Variants in MCF2L2 observed in about 807,000 individuals in gnomAD.
The protein encoded by MCF2L2 is MCF.2 cell line derived transforming sequence-like 2.
In MCF2L2, 102 loss-of-function variants were observed where a neutral mutation model predicts 150.2. That is an observed-to-expected ratio of 0.68 (90% CI 0.58 to 0.80). The LOEUF is 0.80. MCF2L2 is among the 30% of genes least tolerant of loss of function. MCF2L2 has a pLI of 0.00. For missense variants in MCF2L2, 1,256 were observed against 1,372.8 expected, an observed-to-expected ratio of 0.91 and a Z score of 1.34; for synonymous variants, 465 against 491.3, an observed-to-expected ratio of 0.95 and a Z score of 0.71.
At chr3:183,398,630 T>C (rs1416546964) in intron 1 of MCF2L2, among the ~76,000 whole-genome samples, 1 of 152,174 alleles carries the variant, frequency 6.6e-6, no homozygotes. Flanking sequence ...CTAACTCTCC[T>C]GACTCCCCAA....
intron 13 of MCF2L2, among the ~76,000 whole-genome samples, chr3:183,292,931 G>A (rs1182248319): frequency 1.3e-5 from 2 of 152,054 alleles, no homozygotes; most frequent in Non-Finnish European, 2.9e-5. Flanking sequence ...CCCAAAGGAA[G>A]GCAGGAAAGG....
At chr3:183,250,144 T>C (rs958481496) in intron 15 of MCF2L2, among the ~76,000 whole-genome samples, 1 of 152,136 alleles carries the variant, frequency 6.6e-6, no homozygotes, top group Non-Finnish European at 1.5e-5. Flanking sequence ...AAAAGGAGGA[T>C]TCTTGCTTTT....
intron 10 of MCF2L2, 120 bp downstream of exon 10, chr3:183,309,596 A>C (rs1230445448): frequency 1.6e-6 from 2 of 1,282,530 alleles, no homozygotes; most frequent in African/African-American, 2.9e-5. Flanking sequence ...GGGGTGACTG[A>C]AGGGCAGGAC....
intron 5 of MCF2L2, among the ~76,000 whole-genome samples, chr3:183,326,506 A>AC (rs1730039923): frequency 6.7e-6 from 1 of 149,152 alleles, no homozygotes; most frequent in South Asian, 2.1e-4. Context: ...AAAAAAAAAA[A>AC]AAAAAAAAAA....
rs771101780 is a variant in MCF2L2 at position 183,300,196 on chromosome 3, C to T, written c.1114G>A (p.Glu372Lys). 2 of 1,599,886 alleles carry T rather than the reference C, an allele frequency of 1.3e-6. No homozygotes were observed. The highest frequency in any genetic ancestry group is 3.6e-5 in the Admixed American group (2 of 55,726). ...EHKKLEEKSQ[E>K]PLEKAQLLAL... ...AGCAGCTGGGCCTTTTCCAGGGGCT[C>T]CTGCAAAGTGAACACCCACAGCCAG... Residue 372 changes from glutamate to lysine, a missense_variant and splice_region_variant, in exon 11 of 30, where the codon GAG (glutamate) becomes AAG (lysine). By Grantham distance (56) the Glu-to-Lys change is moderately conservative. Transcript: ENST00000328913.
chr3:183,414,413 A>G (rs1715479590), intron 1 of MCF2L2, among the ~76,000 whole-genome samples: 1 of 152,134 alleles, frequency 6.6e-6, no homozygotes, highest in Non-Finnish European at 1.5e-5. Flanking sequence ...TTATGTAAGG[A>G]TGGTAGAAAT....
At chr3:183,296,565 T>A (rs537505440) in intron 12 of MCF2L2, 1 of 161,558 alleles carries the variant, frequency 6.2e-6, no homozygotes, top group South Asian at 1.7e-4. Flanking sequence ...CTCTGTCACA[T>A]GCCTGACCCT....
intron 1 of MCF2L2, among the ~76,000 whole-genome samples, chr3:183,399,273 G>A (rs1336235100): frequency 6.6e-6 from 1 of 152,130 alleles, no homozygotes; most frequent in Non-Finnish European, 1.5e-5. Flanking sequence ...CTGCAACAAT[G>A]ATTATTTTTA....
intron 1 of MCF2L2, among the ~76,000 whole-genome samples, chr3:183,414,478 A>G (rs1406039794): frequency 6.6e-6 from 1 of 152,036 alleles, no homozygotes; most frequent in Non-Finnish European, 1.5e-5. Context: ...TTGTTACTCT[A>G]TAGCTAAAGG....
At chr3:183,320,140 T>C (rs1729753049) in intron 6 of MCF2L2, among the ~76,000 whole-genome samples, 1 of 151,268 alleles carries the variant, frequency 6.6e-6, no homozygotes, top group African/African-American at 2.4e-5. Context: ...TTGCCCAGGC[T>C]GGAGTGCAGT....
At chr3:183,276,826 G>A (rs372210484) in intron 15 of MCF2L2, 46 bp downstream of exon 15, 433 of 1,368,910 alleles carry the variant, frequency 3.2e-4, no homozygotes, top group Non-Finnish European at 4.1e-4. Context: ...CGCCACCCAT[G>A]CCCCGCACCC....
At chr3:183,182,575 AG>A (rs1227060682) in intron 27 of MCF2L2, 4 of 152,614 alleles carry the variant, frequency 2.6e-5, no homozygotes, top group East Asian at 1.9e-4. Context: ...ACAAAGCAGG[AG>A]GGGGGGCTGC....
At chr3:183,224,285 G>A (rs1723265899) in intron 18 of MCF2L2, 95 bp from the exon 19 acceptor site, 4 of 780,900 alleles carry the variant, frequency 5.1e-6, no homozygotes, top group African/African-American at 3.4e-5. Flanking sequence ...ACAAGCCAGA[G>A]TATTCTAATG....
intron 3 of MCF2L2, among the ~76,000 whole-genome samples, chr3:183,342,102 C>T (rs562599787): frequency 1.3e-5 from 2 of 152,280 alleles, no homozygotes; most frequent in South Asian, 4.1e-4. Flanking sequence ...AAAAGCAACC[C>T]CCTGGCAGTG....
At chr3:183,272,184 T>G in intron 15 of MCF2L2, 1 of 1,000,288 alleles carries the variant, frequency 1.0e-6, no homozygotes, top group Non-Finnish European at 1.2e-6. Flanking sequence ...GAGATGTGTC[T>G]GAGATCTAAT....
chr3:183,313,924 T>G (rs1272978096), intron 7 of MCF2L2, among the ~76,000 whole-genome samples: 1 of 152,064 alleles, frequency 6.6e-6, no homozygotes, highest in East Asian at 1.9e-4. Flanking sequence ...GCAGACGAGG[T>G]GGAGGTGCCG....
At chr3:183,388,166 G>T (rs1177307318) in intron 2 of MCF2L2, among the ~76,000 whole-genome samples, 1 of 152,156 alleles carries the variant, frequency 6.6e-6, no homozygotes, top group Non-Finnish European at 1.5e-5. Context: ...GATCATAAAT[G>T]TATTAATTAA....
Position 183,228,312 on chromosome 3 carries a change from A to G in MCF2L2, c.2100T>C (p.His700=), listed in dbSNP as rs1181325501. 5.6e-6 allele frequency: 9 copies of G among 1,613,374 alleles called. No homozygotes were observed. Among genetic ancestry groups the G allele is most frequent in the Non-Finnish European group, 7.6e-6 (9 of 1,179,518 alleles). ...ACAGACTTACTCTCTTGAGAAAGCAATGTGCCAGAAGTTCAGGGTTCTCAG... is the reference window on the plus strand; with the variant it reads ...ACAGACTTACTCTCTTGAGAAAGCAGTGTGCCAGAAGTTCAGGGTTCTCAG... ...KCAENPELLA[H]CFLKRKEDLQ... The change falls in exon 18 of 30, where the codon CAT becomes CAC. Residue 700 remains histidine, a synonymous_variant. Coordinates refer to ENST00000328913, the MANE Select transcript of MCF2L2 (RefSeq NM_015078.4).
chr3:183,207,110 GGT>G (rs907954236), intron 23 of MCF2L2, among the ~76,000 whole-genome samples: 1 of 152,096 alleles, frequency 6.6e-6, no homozygotes, highest in Admixed American at 6.6e-5. Flanking sequence ...CCTGTATGTG[GGT>G]GTGTGTGTTT....
Sources: allele counts gnomAD v4.1 joint callset (sites outside exome capture counted in the v4.1 genomes callset), GRCh38; gene constraint gnomAD v4.1.1; transcripts MANE v1.5; gene names NCBI Gene and HGNC (gene_info 2026-07-23, HGNC 2026-07-21).